The following KDM4C variants were observed in gnomAD, a reference collection of about 807,000 sequenced individuals.
KDM4C encodes lysine-specific demethylase 4C.
KDM4C carries 81 observed loss-of-function variants against 129.3 expected under a neutral mutation model. The observed-to-expected ratio is 0.63, with a 90% confidence interval of 0.52 to 0.75. The LOEUF (loss-of-function observed/expected upper bound fraction) is 0.75, where lower values mean the gene tolerates loss of function less well. Among genes scored for constraint, KDM4C ranks in the 30% least tolerant of loss-of-function variants. KDM4C has a pLI of 0.00. For missense variants in KDM4C, 1,457 were observed against 1,304.0 expected, an observed-to-expected ratio of 1.12 and a Z score of -1.81; for synonymous variants, 573 against 456.1, an observed-to-expected ratio of 1.26 and a Z score of -3.26.
At chr9:7,096,193 A>C (rs1282696489) in intron 17 of KDM4C, among the ~76,000 whole-genome samples, 1 of 152,226 alleles carries the variant, frequency 6.6e-6, no homozygotes, top group African/African-American at 2.4e-5. Flanking sequence ...TTTTTTCAAC[A>C]TACATAACAA....
At chr9:6,755,618 G>C (rs1366082193), upstream of KDM4C, among the ~76,000 whole-genome samples, 1 of 152,130 alleles carries the variant, frequency 6.6e-6, no homozygotes, top group South Asian at 2.1e-4. Context: ...TGATCTGTTC[G>C]TTAGTTCACA....
At chr9:6,882,935 A>G (rs1000242659) in intron 6 of KDM4C, among the ~76,000 whole-genome samples, 11 of 152,142 alleles carry the variant, frequency 7.2e-5, no homozygotes, top group African/African-American at 2.7e-4. Context: ...ATAAAGGTCA[A>G]TGGGTGGGAT....
chr9:7,073,206 A>G (rs1241631456), intron 17 of KDM4C, among the ~76,000 whole-genome samples: 1 of 152,210 alleles, frequency 6.6e-6, no homozygotes, highest in Non-Finnish European at 1.5e-5. Flanking sequence ...GTTCCGATCT[A>G]ACATAGCTAT....
chr9:6,868,783 T>C (rs2130619552), intron 5 of KDM4C, among the ~76,000 whole-genome samples: 1 of 152,246 alleles, frequency 6.6e-6, no homozygotes, highest in East Asian at 1.9e-4. Context: ...AAAGTCGCTT[T>C]ACTACTGCAT....
chr9:6,926,546 C>T (rs1822596694), intron 8 of KDM4C, among the ~76,000 whole-genome samples: 1 of 152,096 alleles, frequency 6.6e-6, no homozygotes, highest in African/African-American at 2.4e-5. Context: ...TTATTTCCTC[C>T]TCAGTGAGAA....
chr9:6,941,153 C>T (rs7031879), intron 8 of KDM4C, among the ~76,000 whole-genome samples: 1 of 152,080 alleles, frequency 6.6e-6, no homozygotes, highest in African/African-American at 2.4e-5. Flanking sequence ...GCCTCAGCCT[C>T]CCAAGCCACC....
At chr9:7,101,417 C>T (rs12343768) in intron 17 of KDM4C, among the ~76,000 whole-genome samples, 2,002 of 152,286 alleles carry the variant, frequency 0.013, 36 homozygotes, top group African/African-American at 0.046. Context: ...AGGATGCATT[C>T]GCAATGGCTC....
intron 17 of KDM4C, among the ~76,000 whole-genome samples, chr9:7,089,461 G>A (rs992529307): frequency 5.9e-5 from 9 of 152,124 alleles, no homozygotes; most frequent in Admixed American, 1.3e-4. Flanking sequence ...ACTGTTAGAC[G>A]GGTTCCTTTT....
chr9:6,902,711 G>A (rs1471891340), intron 8 of KDM4C: 1 of 152,206 alleles, frequency 6.6e-6, no homozygotes, highest in Non-Finnish European at 1.5e-5. Flanking sequence ...GTTCAGGCCT[G>A]AGGTGCTGAG....
intron 1 of KDM4C, among the ~76,000 whole-genome samples, chr9:6,733,557 C>T (rs1448216555): frequency 1.3e-5 from 2 of 152,172 alleles, no homozygotes; most frequent in Non-Finnish European, 2.9e-5. Context: ...CAGTTTGCAA[C>T]AGTGAACTGA....
intron 4 of KDM4C, among the ~76,000 whole-genome samples, chr9:6,841,759 G>A (rs1281145357): frequency 1.3e-5 from 2 of 152,194 alleles, no homozygotes; most frequent in Non-Finnish European, 2.9e-5. Context: ...AAAGCAGAAT[G>A]CATGATCAGG....
At chr9:7,039,514 C>T (rs1353794483) in intron 15 of KDM4C, among the ~76,000 whole-genome samples, 3 of 151,924 alleles carry the variant, frequency 2.0e-5, no homozygotes, top group South Asian at 4.1e-4. Context: ...ACATGGAAGT[C>T]AGAGGTGCTG....
At chr9:6,917,044 G>A (rs1337007128) in intron 8 of KDM4C, among the ~76,000 whole-genome samples, 1 of 152,036 alleles carries the variant, frequency 6.6e-6, no homozygotes, top group South Asian at 2.1e-4. Flanking sequence ...TTTTGTTGTT[G>A]TTGTTCAAGA....
intron 17 of KDM4C, among the ~76,000 whole-genome samples, chr9:7,086,749 T>C (rs1835162379): frequency 6.6e-6 from 1 of 152,194 alleles, no homozygotes; most frequent in Non-Finnish European, 1.5e-5. Context: ...AGCTGATACA[T>C]ACACACACCC....
At chr9:6,845,074 G>A (rs534385491) in intron 4 of KDM4C, among the ~76,000 whole-genome samples, 34 of 152,336 alleles carry the variant, frequency 2.2e-4, no homozygotes, top group South Asian at 1.4e-3. Flanking sequence ...TTCTGTAGGT[G>A]GAAATGGCTC....
intron 8 of KDM4C, among the ~76,000 whole-genome samples, chr9:6,912,873 GAA>G (rs943039805): frequency 6.6e-6 from 1 of 152,076 alleles, no homozygotes; most frequent in African/African-American, 2.4e-5. Context: ...ATAAGGAAAA[GAA>G]TATTTTTTTT....
At chr9:6,748,074 G>T (rs1477291206) in intron 1 of KDM4C, among the ~76,000 whole-genome samples, 6 of 152,038 alleles carry the variant, frequency 3.9e-5, no homozygotes, top group African/African-American at 1.4e-4. Context: ...GCTGAGGCAG[G>T]GGAATCACCT....
upstream of KDM4C, among the ~76,000 whole-genome samples, chr9:6,753,622 A>C (rs1161789164): frequency 6.6e-6 from 1 of 152,008 alleles, no homozygotes; most frequent in African/African-American, 2.4e-5. Context: ...GCAGTTCTAG[A>C]AGCTAGAAAG....
intron 8 of KDM4C, among the ~76,000 whole-genome samples, chr9:6,938,342 G>C (rs17511187): frequency 6.6e-6 from 1 of 152,004 alleles, no homozygotes; most frequent in African/African-American, 2.4e-5. Flanking sequence ...TGATGACCCA[G>C]AGAGTGCAGC....
Sources: allele counts gnomAD v4.1 joint callset (sites outside exome capture counted in the v4.1 genomes callset), GRCh38; gene constraint gnomAD v4.1.1; transcripts MANE v1.5; gene names NCBI Gene and HGNC (gene_info 2026-07-23, HGNC 2026-07-21).